Variants in VASH1 observed in about 807,000 individuals in gnomAD.
VASH1 encodes tubulinyl-Tyr carboxypeptidase 1.
VASH1 carries 16 observed loss-of-function variants against 35.0 expected under a neutral mutation model. The observed-to-expected ratio is 0.46, with a 90% CI of 0.31 to 0.70. VASH1 has a LOEUF of 0.70. Ranked by LOEUF, VASH1 falls within the 30% of genes least tolerant of loss-of-function variation. The probability of loss-of-function intolerance (pLI) is 0.05; values close to 1 mark genes in which losing one functional copy is unlikely to be tolerated. For missense variants in VASH1, 505 were observed against 510.7 expected (o/e 0.99, Z 0.11); for synonymous variants, 214 against 200.9 (o/e 1.07, Z -0.55).
intron 1 of VASH1, among the ~76,000 whole-genome samples, chr14:76,766,727 C>A (rs761575157): frequency 2.6e-5 from 4 of 152,098 alleles, no homozygotes; most frequent in Non-Finnish European, 5.9e-5. Context: ...CAGGCAGGAG[C>A]TACTACACCC....
intron 1 of VASH1, among the ~76,000 whole-genome samples, chr14:76,765,326 C>T (rs995723511): frequency 6.6e-6 from 1 of 152,186 alleles, no homozygotes; most frequent in Non-Finnish European, 1.5e-5. Context: ...GACCCCTAGA[C>T]TTCCATCGCT....
chr14:76,766,447 T>C (rs915732100), intron 1 of VASH1, among the ~76,000 whole-genome samples: 1 of 152,150 alleles, frequency 6.6e-6, no homozygotes, highest in African/African-American at 2.4e-5. Flanking sequence ...TGCTTTCCTT[T>C]GATTTATTTA....
At chr14:76,767,595 C>G (rs954089880) in intron 1 of VASH1, among the ~76,000 whole-genome samples, 1 of 152,182 alleles carries the variant, frequency 6.6e-6, no homozygotes, top group Non-Finnish European at 1.5e-5. Context: ...AAACCCACCA[C>G]TCAACAGTGA....
At chr14:76,770,295 C>T (rs982687329) in intron 2 of VASH1, among the ~76,000 whole-genome samples, 1 of 152,148 alleles carries the variant, frequency 6.6e-6, no homozygotes, top group Non-Finnish European at 1.5e-5. Flanking sequence ...CCTTCCCGCT[C>T]CTGCCGTGTG....
At position 76,776,349 on chromosome 14, in the gene VASH1, G is replaced by C. The variant is rs565004754; in HGVS notation, c.912+76G>C. On this transcript the variant is annotated intron_variant, in intron 5 of 6. Transcript: ENST00000167106. ...CCAGCAGAGGCGATGTGAGGATTGA[G>C]AGGACTGGGGAGCTTCTCAGGGGAC... 465 of 1,453,844 alleles carry C rather than the reference G, an allele frequency of 3.2e-4. 11 individuals are homozygous for C. The East Asian group carries it at 0.011, about 36-fold the overall frequency. 90.1% of individuals were successfully genotyped at this position (1,453,844 alleles called of 1,614,324 possible). A position where few individuals can be genotyped will look rare whatever the true frequency, so the allele number is the denominator to read the frequency against.
At position 76,762,801 on chromosome 14, in the gene VASH1, A is replaced by AC. The variant is rs754321647; in HGVS notation, c.-15dup. On this transcript the variant is annotated 5_prime_UTR_variant, in exon 1 of 7. Transcript: ENST00000167106. ...AGCCAGTTGTTTTCCCGCCTCCACC[A>AC]CCCCCCTCGAAGATTTAGGGATGCC... 3.5e-6 allele frequency: 5 copies of AC among 1,449,038 alleles called. No individual in the cohort carries two copies. Among genetic ancestry groups the AC allele is most frequent in the Admixed American group, 2.8e-5 (1 of 35,566 alleles). 89.8% of individuals were successfully genotyped at this position (1,449,038 alleles called of 1,614,324 possible).
At chr14:76,764,334 T>G (rs1022578278) in intron 1 of VASH1, among the ~76,000 whole-genome samples, 15 of 152,250 alleles carry the variant, frequency 9.9e-5, no homozygotes, top group Non-Finnish European at 1.3e-4. Context: ...GCCGCATAAA[T>G]GTGCTCTGCA....
At chr14:76,773,003 G>A in intron 3 of VASH1, 134 bp from the exon 4 acceptor site, 1 of 766,598 alleles carries the variant, frequency 1.3e-6, no homozygotes. Context: ...GAGGTGCTGG[G>A]CCTGAGCTGA....
chr14:76,762,917 G>C lies in VASH1; in HGVS notation c.96G>C (p.Glu32Asp), dbSNP rs1447279690. The C allele has an allele frequency of 3.2e-6, 5 of 1,576,594 alleles. No individual in the cohort carries two copies. The highest frequency in any genetic ancestry group is 1.9e-5 in the Admixed American group (1 of 53,972). ...ATAPSGVRRLETSEGTSAQRD... is the reference protein window; with the variant it reads ...ATAPSGVRRLDTSEGTSAQRD... Reference sequence around the variant, plus strand: ...CCCCCTCTGGGGTCAGGCGTTTGGAGACCAGCGAAGGAACCTCAGCCCAGA... The same window carrying C: ...CCCCCTCTGGGGTCAGGCGTTTGGACACCAGCGAAGGAACCTCAGCCCAGA... Residue 32 changes from glutamate (E) to aspartate (D), a missense_variant, in exon 1 of 7, where the codon GAG becomes GAC. By Grantham distance (45) the Glu-to-Asp change is conservative. Transcript: ENST00000167106.
intron 5 of VASH1, 151 bp downstream of exon 5, chr14:76,776,424 T>C: frequency 3.5e-6 from 4 of 1,135,260 alleles, no homozygotes; most frequent in Admixed American, 2.9e-5. Flanking sequence ...GGTGGTCCCC[T>C]GGGGTGGGCA....
chr14:76,776,720 CAGG>C (rs1893956067), intron 5 of VASH1, among the ~76,000 whole-genome samples: 1 of 152,140 alleles, frequency 6.6e-6, no homozygotes, highest in African/African-American at 2.4e-5. Context: ...CACACTTGAG[CAGG>C]AGGTGATAGG....
intron 2 of VASH1, among the ~76,000 whole-genome samples, chr14:76,770,388 C>T (rs180704012): frequency 6.6e-6 from 1 of 152,238 alleles, no homozygotes; most frequent in Non-Finnish European, 1.5e-5. Context: ...TGTTGTCCAC[C>T]CAGCCCTAGC....
At chr14:76,774,923 G>A (rs953274757) in intron 4 of VASH1, 5 of 152,424 alleles carry the variant, frequency 3.3e-5, no homozygotes, top group South Asian at 2.1e-4. Flanking sequence ...TCTGCAAAGG[G>A]GGATAGTGGC....
At chr14:76,778,146 T>C (rs1893998267) in intron 6 of VASH1, 75 bp downstream of exon 6, 1 of 1,095,944 alleles carries the variant, frequency 9.1e-7, no homozygotes, top group South Asian at 2.2e-5. Flanking sequence ...GGTCCCTTTT[T>C]TTTTTTATCT....
At chr14:76,771,162 C>G in intron 2 of VASH1, 28 bp from the exon 3 acceptor site, 1 of 1,544,912 alleles carries the variant, frequency 6.5e-7, no homozygotes, top group Non-Finnish European at 8.7e-7. Context: ...TCAGGCCAAG[C>G]TAGGAAGCCC....
intron 4 of VASH1, among the ~76,000 whole-genome samples, chr14:76,775,443 G>C (rs1893908388): frequency 6.6e-6 from 1 of 152,170 alleles, no homozygotes; most frequent in African/African-American, 2.4e-5. Context: ...CCACAGGCAG[G>C]GTTGCATGTG....
chr14:76,777,661 G>A (rs537959247), intron 5 of VASH1, among the ~76,000 whole-genome samples: 9 of 152,336 alleles, frequency 5.9e-5, no homozygotes, highest in South Asian at 2.1e-4. Flanking sequence ...CAACTGGCAC[G>A]TTTACCTGGC....
At position 76,763,039 on chromosome 14, in the gene VASH1, C is replaced by T. The variant is rs1893545681; in HGVS notation, c.218C>T (p.Thr73Ile). The T allele has an allele frequency of 6.5e-7, 1 of 1,547,882 alleles. No homozygotes were observed. Among genetic ancestry groups the T allele is most frequent in the African/African-American group, 1.4e-5 (1 of 73,080 alleles). ...GGTGGGCTACCTGTGGATGAGGCCACCTGGGAAAGGATGTGGAAACACGTG... is the reference window on the plus strand; with the variant it reads ...GGTGGGCTACCTGTGGATGAGGCCATCTGGGAAAGGATGTGGAAACACGTG... Reference protein sequence around the residue: ...NRGGLPVDEATWERMWKHVAK... With the variant: ...NRGGLPVDEAIWERMWKHVAK... Residue 73 changes from threonine (T) to isoleucine (I), a missense_variant, in exon 1 of 7, where the codon ACC becomes ATC. By Grantham distance (89) the Thr-to-Ile change is moderately conservative. Transcript: ENST00000167106.
intron 2 of VASH1, 64 bp downstream of exon 2, chr14:76,770,115 C>A: frequency 6.7e-7 from 1 of 1,496,440 alleles, no homozygotes; most frequent in Non-Finnish European, 9.2e-7. Context: ...TGTTTCCAGG[C>A]AGAGCTGGAG....
Sources: allele counts gnomAD v4.1 joint callset (sites outside exome capture counted in the v4.1 genomes callset), GRCh38; gene constraint gnomAD v4.1.1; transcripts MANE v1.5; gene names NCBI Gene and HGNC (gene_info 2026-07-23, HGNC 2026-07-21).